CTNNA1: variants seen among roughly 807,000 people sequenced by gnomAD.
The protein encoded by CTNNA1 is catenin alpha-1.
CTNNA1 carries 37 observed loss-of-function variants against 98.4 expected under a neutral mutation model. The ratio of observed to expected loss-of-function variants is 0.38; its 90% CI spans 0.29 to 0.49. The LOEUF is 0.49. Ranked by LOEUF, CTNNA1 falls within the 20% of genes least tolerant of loss-of-function variation. The probability of loss-of-function intolerance (pLI) is 0.95; values close to 1 mark genes in which losing one functional copy is unlikely to be tolerated. For missense variants in CTNNA1, 761 were observed against 1,147.2 expected (o/e 0.66, Z 4.86); for synonymous variants, 404 against 413.2 (o/e 0.98, Z 0.27).
chr5:138,829,059 C>T (rs1275802319), intron 7 of CTNNA1, among the ~76,000 whole-genome samples: 1 of 152,014 alleles, frequency 6.6e-6, no homozygotes, highest in African/African-American at 2.4e-5. Flanking sequence ...GAGGTTGTGG[C>T]TACAGTGAAC....
chr5:138,853,400 G>A (rs1221086286), intron 7 of CTNNA1, among the ~76,000 whole-genome samples: 7 of 151,196 alleles, frequency 4.6e-5, no homozygotes, highest in Admixed American at 3.3e-4. Flanking sequence ...TTTCTTTGCC[G>A]GAGCTCTTGG....
At chr5:138,867,721 A>G (rs1764921986) in intron 7 of CTNNA1, among the ~76,000 whole-genome samples, 1 of 143,426 alleles carries the variant, frequency 7.0e-6, no homozygotes, top group African/African-American at 2.6e-5. Context: ...TGATAAATGT[A>G]TTTTCTCTTA....
In CTNNA1 at chr5:138,874,685, T is replaced by C; in HGVS notation, c.1063-11527T>C. 7.9e-6 allele frequency: 6 copies of C among 754,826 alleles called. No homozygotes were observed. The highest frequency in any genetic ancestry group is 1.3e-5 in the Non-Finnish European group (6 of 478,088). The allele number at this position is 754,826 out of a possible 1,614,324, so 46.8% of individuals were successfully genotyped here. A position where few individuals can be genotyped will look rare whatever the true frequency, so the allele number is the denominator to read the frequency against. ...TTCACTGCATATAACTTATTTTTCA[T>C]TTACTGCAGAAAAATTAACCTTATT... On this transcript the variant is annotated intron_variant, in intron 7 of 17. Coordinates refer to ENST00000302763, the MANE Select transcript of CTNNA1 (RefSeq NM_001903.5). This position sits in a 1 kb window ranked among gnomAD's most constrained non-coding sequence, Gnocchi z 4.1.
At chr5:138,782,264 A>C (rs1411996555) in intron 2 of CTNNA1, 1 of 589,626 alleles carries the variant, frequency 1.7e-6, no homozygotes, top group East Asian at 3.6e-5. Context: ...ATGTAGTGCA[A>C]CTTTGCAAAT....
chr5:138,828,249 A>G (rs1760921668), intron 7 of CTNNA1: 1 of 156,778 alleles, frequency 6.4e-6, no homozygotes, highest in Non-Finnish European at 1.4e-5. Flanking sequence ...TTCGTGAACC[A>G]TATTGAATGT....
intron 3 of CTNNA1, chr5:138,791,058 T>C (rs1425883579): frequency 6.6e-6 from 1 of 152,218 alleles, no homozygotes; most frequent in African/African-American, 2.4e-5. Flanking sequence ...GTTCTTTTAC[T>C]AAATATTCCT....
intron 7 of CTNNA1, chr5:138,828,053 C>A: frequency 4.4e-6 from 1 of 226,132 alleles, no homozygotes. Context: ...CCTTTTTTCC[C>A]CCGAAGCCTT....
At chr5:138,917,692 A>T in intron 10 of CTNNA1, 50 bp from the exon 11 acceptor site, 1 of 1,593,434 alleles carries the variant, frequency 6.3e-7, no homozygotes, top group East Asian at 2.2e-5. Flanking sequence ...TGTAAGACAA[A>T]GCCATGACTC....
intron 7 of CTNNA1, among the ~76,000 whole-genome samples, chr5:138,865,839 C>T (rs1337227328): frequency 6.6e-6 from 1 of 152,122 alleles, no homozygotes; most frequent in East Asian, 1.9e-4. Context: ...TTCTAAGTTT[C>T]CTTGACTGTA....
Position 138,924,803 on chromosome 5 carries a change from G to C in CTNNA1, c.1747+93G>C, listed in dbSNP as rs537994664. The C allele has an allele frequency of 3.4e-5, 40 of 1,187,128 alleles. No individual in the cohort carries two copies. The Admixed American group carries it at 5.6e-4, about 17-fold the overall frequency. The allele number at this position is 1,187,128 out of a possible 1,614,324, so 73.5% of individuals were successfully genotyped here. On this transcript the variant is annotated intron_variant, in intron 12 of 17. Transcript: ENST00000302763. Reference sequence around the variant, plus strand: ...GCCCAGCCCTGTGGTGAGGAAGGAGGAGTTGGGAACTCAGATTTGGTCTCA... The same window carrying C: ...GCCCAGCCCTGTGGTGAGGAAGGAGCAGTTGGGAACTCAGATTTGGTCTCA...
intron 3 of CTNNA1, among the ~76,000 whole-genome samples, chr5:138,793,288 A>G (rs1349575804): frequency 6.6e-6 from 1 of 152,192 alleles, no homozygotes. Context: ...GGCAGAGGCT[A>G]TATTTTCTTT....
chr5:138,757,532 C>T (rs1023285764), intron 1 of CTNNA1, among the ~76,000 whole-genome samples: 1 of 152,172 alleles, frequency 6.6e-6, no homozygotes, highest in Non-Finnish European at 1.5e-5. Context: ...CAGTGATTCC[C>T]TTCTACTCTC....
At position 138,887,802 on chromosome 5, in the gene CTNNA1, T is replaced by C. The variant is rs539666140; in HGVS notation, c.1296+160T>C. 456 of 605,612 alleles carry C rather than the reference T, an allele frequency of 7.5e-4. 2 individuals carry two copies. The highest frequency in any genetic ancestry group is 2.7e-3 in the Admixed American group (82 of 29,878). 37.5% of individuals were successfully genotyped at this position (605,612 alleles called of 1,614,324 possible). ...TTATCACTTAACATCTAAGGAAAACTACCATTTTGGTCACTTTACATTAAC... is the reference window on the plus strand; with the variant it reads ...TTATCACTTAACATCTAAGGAAAACCACCATTTTGGTCACTTTACATTAAC... On this transcript the variant is annotated intron_variant, in intron 9 of 17. Transcript: ENST00000302763.
intron 3 of CTNNA1, among the ~76,000 whole-genome samples, chr5:138,807,309 G>A (rs1758191008): frequency 6.6e-6 from 1 of 151,796 alleles, no homozygotes. Flanking sequence ...CACCCAGCCA[G>A]TGTTGGACAT....
At chr5:138,791,411 G>A (rs1043348776) in intron 3 of CTNNA1, among the ~76,000 whole-genome samples, 2 of 151,880 alleles carry the variant, frequency 1.3e-5, no homozygotes, top group South Asian at 4.2e-4. Context: ...GAGGTCAGGA[G>A]ATGAAGACCC....
At chr5:138,889,808 T>TA (rs1450992479) in intron 9 of CTNNA1, among the ~76,000 whole-genome samples, 1 of 152,180 alleles carries the variant, frequency 6.6e-6, no homozygotes, top group Non-Finnish European at 1.5e-5. Context: ...TGCAAACAGT[T>TA]AAATTACATT....
chr5:138,781,462 C>G (rs960386715), intron 1 of CTNNA1, among the ~76,000 whole-genome samples: 16 of 151,334 alleles, frequency 1.1e-4, no homozygotes, highest in African/African-American at 3.4e-4. Flanking sequence ...AGGCTGAGGC[C>G]AGAGAATGGC....
intron 10 of CTNNA1, among the ~76,000 whole-genome samples, chr5:138,907,053 A>C (rs1759413573): frequency 6.6e-6 from 1 of 151,586 alleles, no homozygotes; most frequent in Non-Finnish European, 1.5e-5. Flanking sequence ...ATGGAGTCTG[A>C]CTCTGTCACC....
At chr5:138,779,134 C>A (rs990333631) in intron 1 of CTNNA1, among the ~76,000 whole-genome samples, 1 of 152,158 alleles carries the variant, frequency 6.6e-6, no homozygotes, top group Admixed American at 6.5e-5. Context: ...CCACTTTGGC[C>A]TCCCTAAGTG....
Sources: allele counts gnomAD v4.1 joint callset (sites outside exome capture counted in the v4.1 genomes callset), GRCh38; gene constraint gnomAD v4.1.1; non-coding constraint Gnocchi (gnomAD v3.1); transcripts MANE v1.5; gene names NCBI Gene and HGNC (gene_info 2026-07-23, HGNC 2026-07-21).